Variants in RALB observed in about 807,000 individuals in gnomAD.
RALB encodes the protein ras-related protein Ral-B.
In RALB, 16 loss-of-function variants were observed where a neutral mutation model predicts 21.3. The ratio of observed to expected loss-of-function variants is 0.75; its 90% confidence interval spans 0.51 to 1.14. The LOEUF (loss-of-function observed/expected upper bound fraction) is 1.14. Ranked by LOEUF, RALB falls within the 50% of genes most tolerant of loss-of-function variation. The pLI, the probability that RALB is intolerant of heterozygous loss-of-function variation, is 0.00. For synonymous variants in RALB, 93 were observed against 96.1 expected, an observed-to-expected ratio of 0.97 and a Z score of 0.19; for missense variants, 161 against 256.2, an observed-to-expected ratio of 0.63 and a Z score of 2.54.
chr2:120,294,335 T>G lies in RALB; in HGVS notation c.*1075T>G. On this transcript the variant is annotated 3_prime_UTR_variant, in exon 5 of 5. Transcript: ENST00000272519. ...GTAGAGAGAGATAAGCCATCGCCCC[T>G]TTGCCTCTGAGAATTGGCTGCTGTT... 2.5e-6 allele frequency: 1 copy of G among 398,874 alleles called. No individual in the cohort carries two copies. Among genetic ancestry groups the G allele is most frequent in the Non-Finnish European group, 4.4e-6 (1 of 226,052 alleles). The allele number at this position is 398,874 out of a possible 1,614,324, so 24.7% of individuals were successfully genotyped here.
chr2:120,249,512 G>A (rs1689020889), upstream of RALB, among the ~76,000 whole-genome samples: 1 of 152,212 alleles, frequency 6.6e-6, no homozygotes, highest in Non-Finnish European at 1.5e-5. Flanking sequence ...CATAGTGGGA[G>A]CAGGTGCATC....
rs1381972229 is a variant in RALB at position 120,259,240 on chromosome 2, G to T, written c.-48+6260G>T. Among the ~76,000 whole-genome samples, 10 of 152,376 alleles carry T rather than the reference G, an allele frequency of 6.6e-5. No individual in the cohort carries two copies. The Middle Eastern group carries it at 0.014, about 207-fold the overall frequency. On this transcript the variant is annotated intron_variant, in intron 1 of 4. Transcript: ENST00000272519. The stretch of plus-strand genomic sequence containing the variant: ...CGAGTTGCCAATGCTGGCTCGGGCA[G>T]CCTGCTTTTATTCTCTTATCTGGCC...
At chr2:120,260,195 TC>T (rs1425630733) in intron 1 of RALB, among the ~76,000 whole-genome samples, 1 of 152,228 alleles carries the variant, frequency 6.6e-6, no homozygotes, top group Admixed American at 6.5e-5. Context: ...AGAAAGGGGT[TC>T]CCGCAGTGCA....
At chr2:120,252,059 T>C (rs1200367571), upstream of RALB, among the ~76,000 whole-genome samples, 7 of 152,192 alleles carry the variant, frequency 4.6e-5, no homozygotes, top group Non-Finnish European at 1.0e-4. Context: ...GGCAGACGTT[T>C]AAACTGTCAG....
At chr2:120,252,632 G>A, upstream of RALB, 1 of 239,792 alleles carries the variant, frequency 4.2e-6, no homozygotes, top group Non-Finnish European at 6.8e-6. Flanking sequence ...AACAGAGGGG[G>A]ACGGGGCAGG....
At chr2:120,252,364 G>A (rs559676172), upstream of RALB, among the ~76,000 whole-genome samples, 4 of 152,356 alleles carry the variant, frequency 2.6e-5, no homozygotes, top group South Asian at 4.1e-4. Context: ...GTGGCGGCAG[G>A]TGGAGTCCCG....
At chr2:120,242,988 G>C (rs935934812) in intron 1 of RALB, among the ~76,000 whole-genome samples, 2 of 152,188 alleles carry the variant, frequency 1.3e-5, no homozygotes, top group Non-Finnish European at 2.9e-5. Flanking sequence ...AATTGGCATG[G>C]TGCCCTTGGC....
At chr2:120,281,539 T>C (rs570425311) in intron 2 of RALB, among the ~76,000 whole-genome samples, 1 of 152,336 alleles carries the variant, frequency 6.6e-6, no homozygotes, top group South Asian at 2.1e-4. Flanking sequence ...ATGAATAAGC[T>C]TCAAACCCAA....
chr2:120,269,394 C>T (rs930751651), intron 1 of RALB, among the ~76,000 whole-genome samples: 1 of 152,168 alleles, frequency 6.6e-6, no homozygotes, highest in Non-Finnish European at 1.5e-5. Context: ...AAAGCTTCCA[C>T]AGCGTGGAAG....
At chr2:120,277,290 C>A (rs113784015) in intron 1 of RALB, among the ~76,000 whole-genome samples, 1,791 of 151,746 alleles carry the variant, frequency 0.012, 34 homozygotes, top group African/African-American at 0.04. Context: ...TGTGCGAGAG[C>A]GTGTGTGTTC....
At chr2:120,280,668 A>G (rs547742485) in intron 2 of RALB, among the ~76,000 whole-genome samples, 2 of 152,102 alleles carry the variant, frequency 1.3e-5, no homozygotes, top group Admixed American at 6.5e-5. Flanking sequence ...GTATACCTAC[A>G]TAACCTGCAT....
intron 3 of RALB, 28 bp downstream of exon 3, chr2:120,286,110 C>A: frequency 6.2e-7 from 1 of 1,604,138 alleles, no homozygotes; most frequent in Non-Finnish European, 8.5e-7. Context: ...TAGCAGAAGC[C>A]CCCAGGAAGC....
intron 1 of RALB, among the ~76,000 whole-genome samples, chr2:120,278,217 C>T (rs1313746290): frequency 6.6e-6 from 1 of 152,112 alleles, no homozygotes; most frequent in Non-Finnish European, 1.5e-5. Context: ...AGCTAAAGAG[C>T]TGGGGATTGA....
At chr2:120,247,281 C>T (rs913523195) in intron 1 of RALB, among the ~76,000 whole-genome samples, 6 of 152,218 alleles carry the variant, frequency 3.9e-5, no homozygotes, top group African/African-American at 1.2e-4. Context: ...ACTATGACAG[C>T]AGAAAGATAA....
At chr2:120,240,925 T>C (rs1285519417) in intron 1 of RALB, among the ~76,000 whole-genome samples, 1 of 152,120 alleles carries the variant, frequency 6.6e-6, no homozygotes, top group African/African-American at 2.4e-5. Flanking sequence ...GAGCTGGGTT[T>C]TGGGGGACCG....
At chr2:120,262,003 A>T (rs1483297834) in intron 1 of RALB, among the ~76,000 whole-genome samples, 1 of 152,110 alleles carries the variant, frequency 6.6e-6, no homozygotes, top group Non-Finnish European at 1.5e-5. Context: ...AGGATCAAGG[A>T]CTTGAGAGGG....
intron 1 of RALB, among the ~76,000 whole-genome samples, chr2:120,277,465 T>TG (rs57831740): frequency 4.7e-5 from 7 of 150,050 alleles, no homozygotes; most frequent in Non-Finnish European, 7.4e-5. Context: ...TTAGAGCATG[T>TG]ATGTGGTGTG....
At chr2:120,278,920 T>C in intron 2 of RALB, 142 bp downstream of exon 2, 1 of 650,954 alleles carries the variant, frequency 1.5e-6, no homozygotes, top group Non-Finnish European at 2.3e-6. Flanking sequence ...AATAGCTTCC[T>C]AGGAAGGTCT....
chr2:120,260,235 C>T (rs1225489355), intron 1 of RALB, among the ~76,000 whole-genome samples: 2 of 152,262 alleles, frequency 1.3e-5, no homozygotes, highest in African/African-American at 4.8e-5. Context: ...TCCTCAAATG[C>T]CACCAAAGTG....
Sources: gnomAD v4.1 joint callset for allele counts (sites outside exome capture counted in the v4.1 genomes callset) on GRCh38, gnomAD v4.1.1 for gene constraint, MANE v1.5 for transcripts, NCBI Gene and HGNC (gene_info 2026-07-23, HGNC 2026-07-21) for gene names.